The following TARS2 variants were observed in gnomAD, a reference collection of about 807,000 sequenced individuals.
TARS2 encodes the protein threonyl-tRNA synthetase 2, mitochondrial, also known as threonine--tRNA ligase, mitochondrial.
In TARS2, 61 loss-of-function variants were observed where a neutral mutation model predicts 94.4. That is an observed-to-expected ratio of 0.65 (90% CI 0.53 to 0.80). TARS2 has a LOEUF of 0.80. Among genes scored for constraint, TARS2 ranks in the 30% least tolerant of loss-of-function variants. The probability of loss-of-function intolerance (pLI) is 0.00; values close to 1 mark genes in which losing one functional copy is unlikely to be tolerated. For synonymous variants in TARS2, 359 were observed against 353.4 expected (o/e 1.02, Z -0.18); for missense variants, 704 against 902.5 (o/e 0.78, Z 2.82).
chr1:150,499,350 A>T, intron 13 of TARS2, 57 bp downstream of exon 13: 3 of 1,550,568 alleles, frequency 1.9e-6, no homozygotes, highest in Non-Finnish European at 2.6e-6. Context: ...TTGTTTTAGT[A>T]AATATTTAAT....
chr1:150,497,054 G>C, intron 9 of TARS2, 146 bp downstream of exon 9: 10 of 724,754 alleles, frequency 1.4e-5, no homozygotes, highest in Non-Finnish European at 2.0e-5. Flanking sequence ...AGGCTGAGCC[G>C]TGCAGATCAC....
Sources: allele counts gnomAD v4.1 joint callset, GRCh38; gene constraint gnomAD v4.1.1; transcripts MANE v1.5; gene names NCBI Gene and HGNC (gene_info 2026-07-23, HGNC 2026-07-21).